MAST4: variants seen among roughly 807,000 people sequenced by gnomAD.
MAST4 encodes the protein microtubule-associated serine/threonine-protein kinase 4.
A neutral mutation model predicts 162.7 loss-of-function variants in MAST4; 89 were observed. That is an observed-to-expected ratio of 0.55 (90% confidence interval 0.46 to 0.65). The LOEUF (loss-of-function observed/expected upper bound fraction) is 0.65. MAST4 is among the 30% of genes least tolerant of loss of function. The pLI, the probability that MAST4 is intolerant of heterozygous loss-of-function variation, is 0.00. For missense variants in MAST4, 3,153 were observed against 3,374.0 expected, an observed-to-expected ratio of 0.93 and a Z score of 1.62; for synonymous variants, 1,479 against 1,361.1, an observed-to-expected ratio of 1.09 and a Z score of -1.91.
At chr5:66,670,316 G>A (rs1425594623) in intron 1 of MAST4, among the ~76,000 whole-genome samples, 1 of 151,882 alleles carries the variant, frequency 6.6e-6, no homozygotes, top group East Asian at 1.9e-4. Context: ...CATTGTGTAT[G>A]GGTCTCAGTT....
At chr5:67,034,043 A>G (rs1755708888) in intron 4 of MAST4, among the ~76,000 whole-genome samples, 1 of 152,082 alleles carries the variant, frequency 6.6e-6, no homozygotes, top group South Asian at 2.1e-4. Context: ...TAGAGCATAA[A>G]CCAGTCGGCC....
At chr5:66,629,156 T>C (rs1221156962) in intron 1 of MAST4, among the ~76,000 whole-genome samples, 1 of 152,206 alleles carries the variant, frequency 6.6e-6, no homozygotes, top group Non-Finnish European at 1.5e-5. Flanking sequence ...TAATCACCAA[T>C]ATCCAGGGAC....
intron 10 of MAST4, among the ~76,000 whole-genome samples, chr5:67,108,996 ATGTTAAAACCTCTAAAACTTGTT>A (rs1389854868): frequency 7.2e-5 from 11 of 152,190 alleles, no homozygotes; most frequent in Non-Finnish European, 7.4e-5. Context: ...AGAGAAGTTT[ATGTTAAAACCTCTAAAACTTGTT>A]TTATGCCTAT....
chr5:66,859,088 A>G (rs1237817379), intron 3 of MAST4, among the ~76,000 whole-genome samples: 1 of 152,172 alleles, frequency 6.6e-6, no homozygotes, highest in Admixed American at 6.5e-5. Flanking sequence ...GAGACATTCT[A>G]TCAACTGCAA....
intron 4 of MAST4, among the ~76,000 whole-genome samples, chr5:67,033,778 A>G (rs1313183857): frequency 6.6e-6 from 1 of 152,138 alleles, no homozygotes; most frequent in Non-Finnish European, 1.5e-5. Context: ...TTGTAACCAC[A>G]TTCAGTGATA....
intron 2 of MAST4, among the ~76,000 whole-genome samples, chr5:66,775,169 G>T (rs764864543): frequency 5.9e-5 from 9 of 152,234 alleles, no homozygotes; most frequent in Non-Finnish European, 1.2e-4. Context: ...AATAGTCACA[G>T]TGCTCTTTGT....
At chr5:66,644,597 G>A (rs1377479262) in intron 1 of MAST4, among the ~76,000 whole-genome samples, 1 of 152,026 alleles carries the variant, frequency 6.6e-6, no homozygotes, top group African/African-American at 2.4e-5. Context: ...GGCCTCCAAA[G>A]GATACAAGTA....
chr5:66,685,243 A>G (rs998601127), intron 1 of MAST4, among the ~76,000 whole-genome samples: 1 of 151,194 alleles, frequency 6.6e-6, no homozygotes. Context: ...AGCCTGGGTG[A>G]CAGAGTGAGA....
At chr5:66,974,486 T>C (rs1024103775) in intron 4 of MAST4, among the ~76,000 whole-genome samples, 1 of 152,226 alleles carries the variant, frequency 6.6e-6, no homozygotes, top group African/African-American at 2.4e-5. Context: ...CAATTTTGCT[T>C]CTAGTAGTTT....
intron 4 of MAST4, among the ~76,000 whole-genome samples, chr5:67,050,689 T>C (rs781729077): frequency 6.6e-6 from 1 of 152,244 alleles, no homozygotes; most frequent in Non-Finnish European, 1.5e-5. Context: ...CAAGTTGTTA[T>C]ATGACTGTCT....
At chr5:66,699,929 C>A (rs1235299888) in intron 1 of MAST4, among the ~76,000 whole-genome samples, 7 of 151,154 alleles carry the variant, frequency 4.6e-5, no homozygotes, top group Admixed American at 3.3e-4. Context: ...AAAAAAAAAA[C>A]AAACCCCAAA....
intron 3 of MAST4, chr5:66,828,884 T>C (rs910542240): frequency 1.0e-5 from 16 of 1,598,738 alleles, no homozygotes; most frequent in Non-Finnish European, 1.3e-5. Flanking sequence ...GGGCTCCAGG[T>C]AGGAGACTGC....
At chr5:67,149,042 G>T (rs150520121) in intron 23 of MAST4, among the ~76,000 whole-genome samples, 22 of 150,728 alleles carry the variant, frequency 1.5e-4, no homozygotes, top group Non-Finnish European at 2.7e-4. Context: ...TTCATGGTAT[G>T]GGGGGGGTAG....
chr5:66,780,466 T>G (rs1326819745), intron 2 of MAST4, among the ~76,000 whole-genome samples: 1 of 152,186 alleles, frequency 6.6e-6, no homozygotes, highest in Non-Finnish European at 1.5e-5. Flanking sequence ...TTCCTTCCAG[T>G]GGGCTCGTGG....
intron 1 of MAST4, among the ~76,000 whole-genome samples, chr5:66,648,448 T>C (rs1226351467): frequency 1.3e-5 from 2 of 152,142 alleles, no homozygotes; most frequent in African/African-American, 4.8e-5. Flanking sequence ...TTTTGGTTTT[T>C]ATACTGGAAC....
chr5:66,796,252 T>A (rs1346597377), intron 3 of MAST4, among the ~76,000 whole-genome samples: 1 of 152,208 alleles, frequency 6.6e-6, no homozygotes, highest in East Asian at 1.9e-4. Flanking sequence ...GGCTGCCCAA[T>A]GGGTAATTAG....
chr5:66,903,094 A>T (rs943650110), intron 4 of MAST4, among the ~76,000 whole-genome samples: 1 of 152,218 alleles, frequency 6.6e-6, no homozygotes, highest in South Asian at 2.1e-4. Context: ...TATAAAACTT[A>T]AAAAATGCAA....
Position 66,596,576 on chromosome 5 carries a change from G to C in MAST4, c.-80G>C. ...GCAGTGCCAGTGAGCCTGAGCCCAG[G>C]AGCCCGCGTCTTCCCCGGGAGGCGC... On this transcript the variant is annotated 5_prime_UTR_variant, in exon 1 of 29. Transcript: ENST00000403625. The C allele has an allele frequency of 2.2e-6, 3 of 1,334,870 alleles. No individual in the cohort carries two copies. The highest frequency in any genetic ancestry group is 2.0e-5 in the South Asian group (1 of 49,128). 82.7% of individuals were successfully genotyped at this position (1,334,870 alleles called of 1,614,324 possible).
At chr5:66,759,221 A>G (rs75237764) in intron 1 of MAST4, among the ~76,000 whole-genome samples, 2,111 of 152,324 alleles carry the variant, frequency 0.014, 53 homozygotes, top group African/African-American at 0.048. Flanking sequence ...TTCTTTTGTA[A>G]CCCACTAAAG....
Sources: allele counts gnomAD v4.1 joint callset (sites outside exome capture counted in the v4.1 genomes callset), GRCh38; gene constraint gnomAD v4.1.1; transcripts MANE v1.5; gene names NCBI Gene and HGNC (gene_info 2026-07-23, HGNC 2026-07-21).